WASHC5: variants seen among roughly 807,000 people sequenced by gnomAD.
WASHC5 encodes WASH complex subunit strumpellin.
In WASHC5, 101 loss-of-function variants were observed where a neutral mutation model predicts 150.4. The ratio of observed to expected loss-of-function variants is 0.67; its 90% CI spans 0.57 to 0.79. The LOEUF (loss-of-function observed/expected upper bound fraction) is 0.79. Among genes scored for constraint, WASHC5 ranks in the 30% least tolerant of loss-of-function variants. WASHC5 has a pLI of 0.00. For synonymous variants in WASHC5, 467 were observed against 491.2 expected (o/e 0.95, Z 0.65); for missense variants, 1,195 against 1,396.3 (o/e 0.86, Z 2.30).
intron 19 of WASHC5, 132 bp downstream of exon 19, chr8:125,048,874 C>T: frequency 1.4e-6 from 1 of 723,006 alleles, no homozygotes; most frequent in Non-Finnish European, 2.2e-6. Flanking sequence ...ACCCTCCTGG[C>T]TCCTGAAAGT....
chr8:125,033,300 G>T (rs150317603), intron 26 of WASHC5, among the ~76,000 whole-genome samples: 340 of 152,278 alleles, frequency 2.2e-3, no homozygotes, highest in African/African-American at 7.3e-3. Context: ...AGAGTCTAGA[G>T]ATAGTCCCAC....
Position 125,043,833 on chromosome 8 carries a change from T to G in WASHC5, c.2842A>C (p.Ile948Leu). ...TCTCTTCTACAACATACCTTCATTA[T>G]AGCCTCGAGATACGCAGTCCAAATC... ...QKIWTAYLEA[I>L]MKVGQMQILR... The change falls in exon 23 of 29, where the codon ATA becomes CTA. Residue 948 changes from isoleucine (I) to leucine (L), a missense_variant. Physicochemically the swap from Ile to Leu is conservative, Grantham distance 5. Transcript: ENST00000318410. 1 of 1,607,548 alleles carries G rather than the reference T, an allele frequency of 6.2e-7. No homozygotes were observed. Among genetic ancestry groups the G allele is most frequent in the South Asian group, 1.1e-5 (1 of 90,924 alleles).
At position 125,079,103 on chromosome 8, in the gene WASHC5, T is replaced by C. The variant is rs560904238; in HGVS notation, c.519-173A>G. Among the ~76,000 whole-genome samples the C allele has an allele frequency of 3.9e-4, 32 of 81,730 alleles. 1 individual carries two copies. The highest frequency in any genetic ancestry group is 5.3e-3 in the Middle Eastern group (1 of 190). 53.6% of individuals were successfully genotyped at this position (81,730 alleles called of 152,430 possible). ...AGATTCAAAATTATGTGTATATATA[T>C]GTGTGTGTGTGTGTATATATATATA... On this transcript the variant is annotated intron_variant, in intron 5 of 28. Coordinates refer to ENST00000318410, the MANE Select transcript of WASHC5 (RefSeq NM_014846.4).
chr8:125,083,605 T>C, intron 2 of WASHC5, 108 bp downstream of exon 2: 1 of 878,858 alleles, frequency 1.1e-6, no homozygotes, highest in Non-Finnish European at 1.8e-6. Flanking sequence ...AAAGCTCTTC[T>C]CTTTAGCTTT....
In WASHC5 at chr8:125,059,466, T is replaced by G; in HGVS notation, c.1598A>C (p.Gln533Pro). 5 of 1,614,050 alleles carry G rather than the reference T, an allele frequency of 3.1e-6. No homozygotes were observed. The highest frequency in any genetic ancestry group is 4.2e-6 in the Non-Finnish European group (5 of 1,179,928). ...FLADTRKFLH[Q>P]MIRTINIKEE... is the part of the protein sequence containing the mutation. ...TTTAATGTTAATGGTTCTGATCATT[T>G]GATGAAGAAACTTTCGAGTATCGGC... The change falls in exon 13 of 29, where the codon CAA (glutamine) becomes CCA (proline). Residue 533 changes from glutamine to proline, a missense_variant. Gln to Pro is a moderately conservative substitution (Grantham distance 76, BLOSUM62 -1). Transcript: ENST00000318410.
At chr8:125,055,830 T>C (rs542242681) in intron 16 of WASHC5, among the ~76,000 whole-genome samples, 159 bp from the exon 17 acceptor site, 1 of 152,284 alleles carries the variant, frequency 6.6e-6, no homozygotes, top group South Asian at 2.1e-4. Flanking sequence ...CTGTTAGACA[T>C]ATTGGGTAAC....
chr8:125,025,770 A>C (rs1815361668), intron 28 of WASHC5, among the ~76,000 whole-genome samples: 1 of 152,034 alleles, frequency 6.6e-6, no homozygotes, highest in African/African-American at 2.4e-5. Context: ...TTAATCCCTT[A>C]AAGAAAATAA....
At chr8:125,079,141 C>G (rs867051027) in intron 5 of WASHC5, among the ~76,000 whole-genome samples, 1 of 51,140 alleles carries the variant, frequency 2.0e-5, no homozygotes, top group Non-Finnish European at 4.1e-5. Context: ...TATATATATA[C>G]ATTTTTTTTT....
Position 125,082,425 on chromosome 8 carries a change from G to C in WASHC5, c.375C>G (p.Thr125=), listed in dbSNP as rs774835286. ...DLNEGVYIQQ[T]LETVLLNEDG... ...CTTCATTGAGAAGCACAGTTTCTAA[G>C]GTTTGCTGAATATAAACCCCTTCAT... Residue 125 remains threonine, a synonymous_variant, in exon 4 of 29, where the codon ACC becomes ACG. Transcript: ENST00000318410. The C allele has an allele frequency of 4.4e-6, 7 of 1,592,310 alleles. No individual in the cohort carries two copies. The Admixed American group carries it at 1.2e-4, about 27-fold the overall frequency.
intron 1 of WASHC5, among the ~76,000 whole-genome samples, chr8:125,084,695 C>T (rs1817368230): frequency 6.6e-6 from 1 of 152,198 alleles, no homozygotes; most frequent in African/African-American, 2.4e-5. Flanking sequence ...TCGTTGCTTA[C>T]AGCTCATTCT....
intron 8 of WASHC5, among the ~76,000 whole-genome samples, chr8:125,074,147 G>A (rs1315195822): frequency 2.0e-5 from 3 of 152,148 alleles, no homozygotes; most frequent in Admixed American, 1.3e-4. Flanking sequence ...GTTGAAATCT[G>A]TGGTATCAAG....
intron 27 of WASHC5, among the ~76,000 whole-genome samples, chr8:125,031,696 A>T (rs1815542456): frequency 6.6e-6 from 1 of 152,198 alleles, no homozygotes; most frequent in South Asian, 2.1e-4. Context: ...CATGGAAATA[A>T]CTTTTTTTTC....
intron 27 of WASHC5, among the ~76,000 whole-genome samples, chr8:125,031,893 G>A (rs1815549511): frequency 1.3e-5 from 2 of 152,206 alleles, no homozygotes; most frequent in Non-Finnish European, 2.9e-5. Flanking sequence ...TCTCTTGGCA[G>A]TGGCCCAGCA....
chr8:125,034,954 CA>C (rs1218715021), intron 26 of WASHC5, among the ~76,000 whole-genome samples: 2 of 152,166 alleles, frequency 1.3e-5, no homozygotes, highest in African/African-American at 2.4e-5. Flanking sequence ...ACGGTGTTTA[CA>C]AGGTTAAATA....
At chr8:125,060,131 T>C (rs1278663706) in intron 12 of WASHC5, among the ~76,000 whole-genome samples, 1 of 152,186 alleles carries the variant, frequency 6.6e-6, no homozygotes, top group Admixed American at 6.5e-5. Context: ...ATTATATCTC[T>C]AAAAATATAT....
chr8:125,048,056 T>C (rs1218653344), intron 19 of WASHC5, among the ~76,000 whole-genome samples: 2 of 152,160 alleles, frequency 1.3e-5, no homozygotes, highest in East Asian at 3.9e-4. Context: ...GCATTAATAA[T>C]AGTCTCCCAG....
chr8:125,056,550 C>T, intron 16 of WASHC5, 127 bp downstream of exon 16: 2 of 1,092,820 alleles, frequency 1.8e-6, no homozygotes, highest in Non-Finnish European at 2.8e-6. Flanking sequence ...TTTACCATTG[C>T]AAATGTGAGA....
chr8:125,039,726 A>G, intron 24 of WASHC5, 69 bp downstream of exon 24: 1 of 1,037,572 alleles, frequency 9.6e-7, no homozygotes, highest in South Asian at 1.3e-5. Flanking sequence ...TAAGAACTGA[A>G]GAAACTGGGG....
At chr8:125,030,598 A>G (rs765978243) in intron 27 of WASHC5, among the ~76,000 whole-genome samples, 1 of 140,658 alleles carries the variant, frequency 7.1e-6, no homozygotes, top group South Asian at 2.4e-4. Flanking sequence ...AGATCACGCC[A>G]CTGCACTCCA....
Sources: allele counts gnomAD v4.1 joint callset (sites outside exome capture counted in the v4.1 genomes callset), GRCh38; gene constraint gnomAD v4.1.1; transcripts MANE v1.5; gene names NCBI Gene and HGNC (gene_info 2026-07-23, HGNC 2026-07-21).